Variants in IGFBPL1 observed in about 807,000 individuals in gnomAD.
IGFBPL1 encodes insulin like growth factor binding protein like 1, also known as insulin-like growth factor-binding protein-like 1.
IGFBPL1 carries 20 observed loss-of-function variants against 23.9 expected under a neutral mutation model. The ratio of observed to expected loss-of-function variants is 0.84; its 90% CI spans 0.59 to 1.22. The LOEUF (loss-of-function observed/expected upper bound fraction) is 1.22. Ranked by LOEUF, IGFBPL1 falls within the 50% of genes most tolerant of loss-of-function variation. The pLI, the probability that IGFBPL1 is intolerant of heterozygous loss-of-function variation, is 0.00. For missense variants in IGFBPL1, 436 were observed against 379.3 expected (o/e 1.15, Z -1.24); for synonymous variants, 184 against 171.8 (o/e 1.07, Z -0.56).
intron 2 of IGFBPL1, 51 bp downstream of exon 2, chr9:38,414,043 A>T: frequency 1.9e-6 from 2 of 1,044,844 alleles, no homozygotes; most frequent in Admixed American, 1.7e-5. Flanking sequence ...TCACACACAC[A>T]CACACACACA....
intron 1 of IGFBPL1, among the ~76,000 whole-genome samples, chr9:38,421,871 G>A (rs994429460): frequency 1.3e-5 from 2 of 152,176 alleles, no homozygotes; most frequent in South Asian, 2.1e-4. Context: ...AGGCTGGTGC[G>A]GAAGAAGGGC....
chr9:38,411,309 C>CA (rs1563918790), intron 4 of IGFBPL1, 82 bp downstream of exon 4: 8 of 1,257,900 alleles, frequency 6.4e-6, no homozygotes, highest in Non-Finnish European at 8.8e-6. Context: ...TATTTTTCTT[C>CA]TTTTTTTTAC....
At chr9:38,417,864 C>A (rs535823140) in intron 1 of IGFBPL1, among the ~76,000 whole-genome samples, 2 of 152,172 alleles carry the variant, frequency 1.3e-5, no homozygotes, top group Non-Finnish European at 1.5e-5. Flanking sequence ...AAATTCCACA[C>A]TCCGAGAAGG....
Position 38,411,471 on chromosome 9 carries a change from T to C in IGFBPL1, c.766A>G (p.Ser256Gly). The change falls in exon 4 of 5, where the codon AGC (serine) becomes GGC (glycine). Residue 256 changes from serine to glycine, a missense_variant. Physicochemically the swap from Ser to Gly is moderately conservative, Grantham distance 56. Transcript: ENST00000377694. Reference sequence around the variant, plus strand: ...CTCAGATCTAGAACCGTCACTGTGCTGTGGGACTCAGCCTCTCCCACCATG... The same window carrying C: ...CTCAGATCTAGAACCGTCACTGTGCCGTGGGACTCAGCCTCTCCCACCATG... ...ANMVGEAESHSTVTVLDLSKY... is the reference protein window; with the variant it reads ...ANMVGEAESHGTVTVLDLSKY... The C allele has an allele frequency of 6.2e-7, 1 of 1,614,042 alleles. No homozygotes were observed. The highest frequency in any genetic ancestry group is 8.5e-7 in the Non-Finnish European group (1 of 1,179,872).
At chr9:38,420,805 C>A (rs1013802908) in intron 1 of IGFBPL1, among the ~76,000 whole-genome samples, 1 of 152,072 alleles carries the variant, frequency 6.6e-6, no homozygotes, top group African/African-American at 2.4e-5. Context: ...CCACTGCACT[C>A]CAGCCTGGGT....
intron 1 of IGFBPL1, among the ~76,000 whole-genome samples, chr9:38,414,910 C>T (rs951144427): frequency 5.9e-5 from 9 of 152,164 alleles, no homozygotes; most frequent in African/African-American, 2.2e-4. Context: ...GTTTCAAACT[C>T]CTACTCCACA....
At chr9:38,414,861 G>A (rs1821576545) in intron 1 of IGFBPL1, among the ~76,000 whole-genome samples, 1 of 152,164 alleles carries the variant, frequency 6.6e-6, no homozygotes, top group Admixed American at 6.5e-5. Flanking sequence ...GAGAGGAGAG[G>A]GAGGGTATGG....
intron 1 of IGFBPL1, among the ~76,000 whole-genome samples, chr9:38,419,620 T>C (rs1821646570): frequency 6.6e-6 from 1 of 152,122 alleles, no homozygotes; most frequent in Non-Finnish European, 1.5e-5. Flanking sequence ...ATTTGAAACA[T>C]GACATTAACT....
chr9:38,419,916 G>T (rs1189076592), intron 1 of IGFBPL1, among the ~76,000 whole-genome samples: 2 of 146,762 alleles, frequency 1.4e-5, no homozygotes, highest in Admixed American at 1.4e-4. Context: ...TTTTAGACAG[G>T]GTCTCACTCT....
In IGFBPL1 at chr9:38,411,388, T is replaced by C. The variant is rs995756928; in HGVS notation, c.*9+3A>G. 14 of 1,611,402 alleles carry C rather than the reference T, an allele frequency of 8.7e-6. No individual in the cohort carries two copies. Among genetic ancestry groups the C allele is most frequent in the Non-Finnish European group, 1.1e-5 (13 of 1,178,506 alleles). On this transcript the variant is annotated splice_donor_region_variant and intron_variant, in intron 4 of 4. Coordinates refer to ENST00000377694, the MANE Select transcript of IGFBPL1 (RefSeq NM_001007563.3). ...AATACTGAAAATGACTTAGAACATG[T>C]ACATTTCTCCATCACATGCGGTCAT...
rs1347381836 is a variant in IGFBPL1, at chr9:38,406,955, G to A, written c.*2272C>T. On this transcript the variant is annotated 3_prime_UTR_variant, in exon 5 of 5. Coordinates refer to ENST00000377694, the MANE Select transcript of IGFBPL1 (RefSeq NM_001007563.3). Reference sequence around the variant, plus strand: ...GGTGAGTCAACTGAGTTTGCAAAATGTGCTTATTAGCAGGTGTGGGATGTT... The same window carrying A: ...GGTGAGTCAACTGAGTTTGCAAAATATGCTTATTAGCAGGTGTGGGATGTT... Among the ~76,000 whole-genome samples the A allele has an allele frequency of 6.6e-6, 1 of 152,202 alleles. No individual in the cohort carries two copies. The highest frequency in any genetic ancestry group is 1.9e-4 in the East Asian group (1 of 5,184).
At position 38,423,993 on chromosome 9, in the gene IGFBPL1, G is replaced by C; in HGVS notation, c.432C>G (p.His144Gln). Residue 144 changes from histidine (H) to glutamine (Q), a missense_variant, in exon 1 of 5, where the codon CAC becomes CAG. His to Gln is a conservative substitution (Grantham distance 24). Coordinates refer to ENST00000377694, the MANE Select transcript of IGFBPL1 (RefSeq NM_001007563.3). ...HTPRAHPGHL[H>Q]KARDGPCEFA... ...ACTCGCAAGGGCCGTCGCGCGCCTT[G>C]TGCAGGTGACCGGGGTGCGCGCGGG... 2.1e-6 allele frequency: 3 copies of C among 1,411,040 alleles called. No homozygotes were observed. Among genetic ancestry groups the C allele is most frequent in the Non-Finnish European group, 2.7e-6 (3 of 1,092,308 alleles). The allele number at this position is 1,411,040 out of a possible 1,614,324, so 87.4% of individuals were successfully genotyped here. A position where few individuals can be genotyped will look rare whatever the true frequency, so the allele number is the denominator to read the frequency against.
In IGFBPL1 at chr9:38,407,988, T is replaced by C. The variant is rs575346642; in HGVS notation, c.*1239A>G. The stretch of plus-strand genomic sequence containing the variant: ...AAGAGAGCCTTACTCTTGGGTGAGG[T>C]CAAAATGTTTGTAGGTAAAATATAT... On this transcript the variant is annotated 3_prime_UTR_variant, in exon 5 of 5. Transcript: ENST00000377694. 4.4e-4 allele frequency among the ~76,000 whole-genome samples: 67 copies of C among 152,036 alleles called. No homozygotes were observed. The highest frequency in any genetic ancestry group is 1.5e-3 in the African/African-American group (64 of 41,466).
Position 38,406,951 on chromosome 9 carries a change from A to G in IGFBPL1, c.*2276T>C, listed in dbSNP as rs1277899858. Among the ~76,000 whole-genome samples the G allele has an allele frequency of 6.6e-6, 1 of 152,210 alleles. No homozygotes were observed. The highest frequency in any genetic ancestry group is 2.4e-5 in the African/African-American group (1 of 41,452). On this transcript the variant is annotated 3_prime_UTR_variant, in exon 5 of 5. Transcript: ENST00000377694. ...CTGAGGTGAGTCAACTGAGTTTGCAAAATGTGCTTATTAGCAGGTGTGGGA... is the reference window on the plus strand; with the variant it reads ...CTGAGGTGAGTCAACTGAGTTTGCAGAATGTGCTTATTAGCAGGTGTGGGA...
chr9:38,423,888 G>C, intron 1 of IGFBPL1, 77 bp downstream of exon 1: 1 of 1,261,668 alleles, frequency 7.9e-7, no homozygotes, highest in Non-Finnish European at 1.0e-6. Context: ...CCACTGGGCA[G>C]GGGGATCCTT....
At position 38,424,065 on chromosome 9, in the gene IGFBPL1, G is replaced by C. The variant is rs988065759; in HGVS notation, c.360C>G (p.Arg120=). The change falls in exon 1 of 5, where the codon CGC becomes CGG. Residue 120 remains arginine (R), a synonymous_variant. Coordinates refer to ENST00000377694, the MANE Select transcript of IGFBPL1 (RefSeq NM_001007563.3). ...QRGTVCGSDG[R]SYPSVCALRL... The stretch of plus-strand genomic sequence containing the variant: ...GCAGCGCGCAGACGCTGGGGTACGA[G>C]CGACCGTCGGAGCCGCAGACGGTGC... 8 of 1,398,962 alleles carry C rather than the reference G, an allele frequency of 5.7e-6. No homozygotes were observed. Among genetic ancestry groups the C allele is most frequent in the African/African-American group, 1.5e-5 (1 of 65,922 alleles). 86.7% of individuals were successfully genotyped at this position (1,398,962 alleles called of 1,614,324 possible).
rs1348925826 is a variant in IGFBPL1, at chr9:38,424,182, G to A, written c.243C>T (p.Ala81=). 27 of 1,164,764 alleles carry A rather than the reference G, an allele frequency of 2.3e-5. No homozygotes were observed. In the Admixed American group the frequency reaches 2.8e-4, roughly 12 times the overall value. 72.2% of individuals were successfully genotyped at this position (1,164,764 alleles called of 1,614,324 possible). A position where few individuals can be genotyped will look rare whatever the true frequency, so the allele number is the denominator to read the frequency against. ...CCAGGCCGGGGCCACAGCGCCCGCC[G>A]GCGCGGCCCCCGCAGCTCGCGCCCT... ...GAEGASCGGR[A]GGRCGPGLVC... Residue 81 remains alanine, a synonymous_variant, in exon 1 of 5, where the codon GCC becomes GCT. Coordinates refer to ENST00000377694, the MANE Select transcript of IGFBPL1 (RefSeq NM_001007563.3).
In IGFBPL1 at chr9:38,406,616, C is replaced by T. The variant is rs752740666; in HGVS notation, c.*2611G>A. On this transcript the variant is annotated 3_prime_UTR_variant, in exon 5 of 5. Transcript: ENST00000377694. Reference sequence around the variant, plus strand: ...ACGGTAGAAAAACCCAGGTTTGGTGCGGGGAGTGGGGGCATTGTAATTACG... The same window carrying T: ...ACGGTAGAAAAACCCAGGTTTGGTGTGGGGAGTGGGGGCATTGTAATTACG... Among the ~76,000 whole-genome samples, 9 of 152,008 alleles carry T rather than the reference C, an allele frequency of 5.9e-5. No individual in the cohort carries two copies. Among genetic ancestry groups the T allele is most frequent in the Non-Finnish European group, 1.2e-4 (8 of 68,004 alleles).
chr9:38,410,642 T>A (rs1821501760), intron 4 of IGFBPL1, among the ~76,000 whole-genome samples: 1 of 152,076 alleles, frequency 6.6e-6, no homozygotes, highest in Non-Finnish European at 1.5e-5. Context: ...AGGGGACACA[T>A]GGGGCAGGGC....
Sources: allele counts gnomAD v4.1 joint callset (sites outside exome capture counted in the v4.1 genomes callset), GRCh38; gene constraint gnomAD v4.1.1; transcripts MANE v1.5; gene names NCBI Gene and HGNC (gene_info 2026-07-23, HGNC 2026-07-21).